Variants in ZFAT observed in about 807,000 individuals in gnomAD.
The protein encoded by ZFAT is zinc finger protein ZFAT.
In ZFAT, 64 loss-of-function variants were observed where a neutral mutation model predicts 117.7. The observed-to-expected ratio is 0.54, with a 90% CI of 0.44 to 0.67. ZFAT has a LOEUF of 0.67. Ranked by LOEUF, ZFAT falls within the 30% of genes least tolerant of loss-of-function variation. The pLI, the probability that ZFAT is intolerant of heterozygous loss-of-function variation, is 0.00. For missense variants in ZFAT, 1,433 were observed against 1,584.5 expected, an observed-to-expected ratio of 0.90 and a Z score of 1.62; for synonymous variants, 679 against 615.0, an observed-to-expected ratio of 1.10 and a Z score of -1.54.
intron 7 of ZFAT, 91 bp downstream of exon 7, chr8:134,600,345 C>T: frequency 8.6e-7 from 1 of 1,158,092 alleles, no homozygotes; most frequent in Non-Finnish European, 1.3e-6. Flanking sequence ...CAGGGCTGAC[C>T]TGCAGCAGAG....
chr8:134,573,245 T>C (rs1737643963), intron 10 of ZFAT, among the ~76,000 whole-genome samples: 1 of 152,082 alleles, frequency 6.6e-6, no homozygotes, highest in Admixed American at 6.5e-5. Context: ...TGCGTGTATG[T>C]GTGCATGTGT....
At chr8:134,715,540 T>G (rs1263672524), upstream of ZFAT, among the ~76,000 whole-genome samples, 1 of 152,266 alleles carries the variant, frequency 6.6e-6, no homozygotes, top group Non-Finnish European at 1.5e-5. Context: ...TTTGCACATT[T>G]TCAATCAGCA....
intron 10 of ZFAT, among the ~76,000 whole-genome samples, chr8:134,572,448 G>A (rs948716684): frequency 3.9e-5 from 6 of 152,130 alleles, no homozygotes; most frequent in South Asian, 4.1e-4. Flanking sequence ...ATCTTTCAAC[G>A]CAGAGCCATA....
At chr8:134,737,321 T>A in the ZFAT span, among the ~76,000 whole-genome samples, 1 of 151,502 alleles carries the variant, frequency 6.6e-6, no homozygotes, top group South Asian at 2.1e-4. Flanking sequence ...AAAATAAAAA[T>A]GTAGTTCTGT....
intron 12 of ZFAT, among the ~76,000 whole-genome samples, chr8:134,528,259 T>C (rs553536160): frequency 1.3e-5 from 2 of 152,236 alleles, no homozygotes; most frequent in Admixed American, 6.5e-5. Flanking sequence ...CATTTCTTTA[T>C]TTCACAATAG....
the ZFAT span, among the ~76,000 whole-genome samples, chr8:134,744,294 A>G: frequency 7.7e-6 from 1 of 129,872 alleles, no homozygotes; most frequent in Non-Finnish European, 1.6e-5. Context: ...AGAGGCTAAG[A>G]GTTTTTTTTT....
chr8:134,823,585 A>G, the ZFAT span, among the ~76,000 whole-genome samples: 11 of 152,332 alleles, frequency 7.2e-5, no homozygotes, highest in South Asian at 2.3e-3. Flanking sequence ...GAGAGACAGG[A>G]GAGTGATAGG....
At chr8:134,590,203 A>G (rs1329657370) in intron 8 of ZFAT, 65 bp downstream of exon 8, 1 of 1,310,242 alleles carries the variant, frequency 7.6e-7, no homozygotes, top group African/African-American at 1.5e-5. Context: ...AATGTAAAAC[A>G]TTGTTTTAAA....
chr8:134,504,926 A>C (rs879388839), intron 15 of ZFAT, among the ~76,000 whole-genome samples: 5 of 151,832 alleles, frequency 3.3e-5, no homozygotes, highest in Non-Finnish European at 7.4e-5. Flanking sequence ...CCCTACACTC[A>C]CAAGGCCTCC....
chr8:134,641,845 CCT>C (rs1830603955), intron 2 of ZFAT, among the ~76,000 whole-genome samples: 1 of 152,222 alleles, frequency 6.6e-6, no homozygotes, highest in South Asian at 2.1e-4. Flanking sequence ...GGGACAACTT[CCT>C]CTTAGTCAGA....
At chr8:134,541,625 A>G (rs1391713057) in intron 11 of ZFAT, among the ~76,000 whole-genome samples, 1 of 152,252 alleles carries the variant, frequency 6.6e-6, no homozygotes, top group Admixed American at 6.5e-5. Flanking sequence ...GGAAAGGAAG[A>G]AAGAAAAAAG....
the ZFAT span, among the ~76,000 whole-genome samples, chr8:134,824,788 C>A: frequency 1.3e-5 from 2 of 152,068 alleles, no homozygotes; most frequent in Non-Finnish European, 2.9e-5. Context: ...ATAAAAATTA[C>A]CAGCTTTTTC....
At chr8:134,727,479 C>G in the ZFAT span, among the ~76,000 whole-genome samples, 30 of 152,200 alleles carry the variant, frequency 2.0e-4, no homozygotes, top group Non-Finnish European at 4.1e-4. Context: ...GACCCTGTCT[C>G]TCCTCCTCTC....
intron 12 of ZFAT, among the ~76,000 whole-genome samples, chr8:134,526,056 T>C (rs924884343): frequency 7.2e-5 from 11 of 152,204 alleles, no homozygotes; most frequent in African/African-American, 2.7e-4. Context: ...GTTGTTGTTG[T>C]TGTTGTTAAG....
At chr8:134,621,459 G>A (rs969579961) in intron 3 of ZFAT, among the ~76,000 whole-genome samples, 1 of 152,132 alleles carries the variant, frequency 6.6e-6, no homozygotes, top group African/African-American at 2.4e-5. Flanking sequence ...CATGGCATGT[G>A]TTTTTAACCA....
intron 2 of ZFAT, 141 bp downstream of exon 2, chr8:134,657,420 T>C (rs1368875295): frequency 3.5e-6 from 3 of 858,710 alleles, no homozygotes; most frequent in Non-Finnish European, 5.2e-6. Flanking sequence ...CAATCTTATT[T>C]GAGCATATCT....
At chr8:134,706,877 C>T (rs1446652517) in intron 1 of ZFAT, among the ~76,000 whole-genome samples, 1 of 147,488 alleles carries the variant, frequency 6.8e-6, no homozygotes, top group Non-Finnish European at 1.5e-5. Flanking sequence ...ATATAGTACG[C>T]CAAAAAAAAA....
intron 11 of ZFAT, among the ~76,000 whole-genome samples, chr8:134,539,439 C>A (rs1222541941): frequency 6.6e-6 from 1 of 152,170 alleles, no homozygotes; most frequent in East Asian, 1.9e-4. Context: ...TGTGAATCCA[C>A]CCCTTTGTTG....
At chr8:134,578,555 T>TA (rs1481395511) in intron 10 of ZFAT, among the ~76,000 whole-genome samples, 1 of 151,632 alleles carries the variant, frequency 6.6e-6, no homozygotes, top group Non-Finnish European at 1.5e-5. Flanking sequence ...TGACAGCAGA[T>TA]AGACAGGAGG....
Sources: gnomAD v4.1 joint callset for allele counts (sites outside exome capture counted in the v4.1 genomes callset) on GRCh38, gnomAD v4.1.1 for gene constraint, MANE v1.5 for transcripts, NCBI Gene and HGNC (gene_info 2026-07-23, HGNC 2026-07-21) for gene names.